Variants in BDNF observed in about 807,000 individuals in gnomAD.
BDNF encodes the protein neurotrophic factor BDNF precursor form.
BDNF carries 1 observed loss-of-function variant against 19.5 expected under a neutral mutation model. The ratio of observed to expected loss-of-function variants is 0.05; its 90% CI spans 0.02 to 0.24. The LOEUF (loss-of-function observed/expected upper bound fraction) is 0.24. Among genes scored for constraint, BDNF ranks in the 10% least tolerant of loss-of-function variants. BDNF has a pLI of 1.00. For synonymous variants in BDNF, 100 were observed against 121.6 expected (o/e 0.82, Z 1.17); for missense variants, 195 against 317.6 (o/e 0.61, Z 2.93).
At position 27,658,980 on chromosome 11, in the gene BDNF, A is replaced by G; in HGVS notation, c.-21-395T>C. Reference sequence around the variant, plus strand: ...GTTACTAAGCAACAACTGCAAGTGTAATTAATAGTAATTTTTTTCAAGTTA... The same window carrying G: ...GTTACTAAGCAACAACTGCAAGTGTGATTAATAGTAATTTTTTTCAAGTTA... On this transcript the variant is annotated intron_variant, in intron 1 of 1. Coordinates refer to ENST00000356660, the MANE Select transcript of BDNF (RefSeq NM_001709.5). The surrounding 1 kb of genome is among the most constrained non-coding windows in gnomAD (Gnocchi z 5.7). 1 of 1,098,318 alleles carries G rather than the reference A, an allele frequency of 9.1e-7. No homozygotes were observed. Among genetic ancestry groups the G allele is most frequent in the South Asian group, 2.7e-5 (1 of 36,604 alleles). The allele number at this position is 1,098,318 out of a possible 1,614,324, so 68.0% of individuals were successfully genotyped here. A position where few individuals can be genotyped will look rare whatever the true frequency, so the allele number is the denominator to read the frequency against.
chr11:27,684,356 T>C (rs1857213179), intron 1 of BDNF, among the ~76,000 whole-genome samples: 1 of 152,168 alleles, frequency 6.6e-6, no homozygotes, highest in Non-Finnish European at 1.5e-5. Context: ...ACAGAGACAA[T>C]TTGACTTCCT....
At chr11:27,701,225 C>A (rs1039248378), upstream of BDNF, 21 of 1,182,182 alleles carry the variant, frequency 1.8e-5, no homozygotes, top group East Asian at 6.0e-4. Flanking sequence ...AATGACAGAC[C>A]TCGCTAAAGC....
At chr11:27,711,064 G>A (rs963078885) in intron 1 of BDNF, among the ~76,000 whole-genome samples, 6 of 152,168 alleles carry the variant, frequency 3.9e-5, no homozygotes, top group African/African-American at 7.2e-5. Flanking sequence ...ATAGTGATTT[G>A]CAGATTAGTG....
chr11:27,685,996 G>A (rs1182043501), intron 1 of BDNF, among the ~76,000 whole-genome samples: 1 of 152,178 alleles, frequency 6.6e-6, no homozygotes, highest in Non-Finnish European at 1.5e-5. Context: ...ACATTGGGGT[G>A]TTAAAGTCTC....
upstream of BDNF, chr11:27,700,558 C>G (rs1364087976): frequency 3.2e-6 from 3 of 934,828 alleles, no homozygotes; most frequent in Non-Finnish European, 3.8e-6. Context: ...GCTCCCCGCT[C>G]GCCCGCGCTA....
intron 1 of BDNF, chr11:27,660,142 CA>C: frequency 9.0e-7 from 1 of 1,107,092 alleles, no homozygotes; most frequent in South Asian, 2.0e-5. Flanking sequence ...TTACTGAATT[CA>C]AAGGCAACCT....
At chr11:27,718,359 C>CCCCA (rs1554950412) in intron 1 of BDNF, among the ~76,000 whole-genome samples, 3 of 144,498 alleles carry the variant, frequency 2.1e-5, no homozygotes, top group Admixed American at 6.9e-5. Context: ...ACACCACCCC[C>CCCCA]CCCCGCCCCT....
At chr11:27,666,906 G>A (rs772992231) in intron 1 of BDNF, among the ~76,000 whole-genome samples, 6 of 152,064 alleles carry the variant, frequency 3.9e-5, no homozygotes, top group Non-Finnish European at 5.9e-5. Context: ...TCAAATTCAG[G>A]AAATACAGAG....
chr11:27,702,313 G>T (rs747366668), upstream of BDNF, among the ~76,000 whole-genome samples: 6 of 152,170 alleles, frequency 3.9e-5, no homozygotes, highest in Non-Finnish European at 7.3e-5. Flanking sequence ...TTTAGTAGGG[G>T]TGGGGCAGGG....
At chr11:27,689,574 A>G (rs1857973048) in intron 1 of BDNF, among the ~76,000 whole-genome samples, 1 of 152,234 alleles carries the variant, frequency 6.6e-6, no homozygotes, top group African/African-American at 2.4e-5. Flanking sequence ...GCACTGCAGT[A>G]GAGCAAGTTT....
intron 1 of BDNF, among the ~76,000 whole-genome samples, chr11:27,680,134 C>T (rs929653623): frequency 2.0e-5 from 3 of 152,028 alleles, no homozygotes; most frequent in African/African-American, 7.2e-5. Flanking sequence ...TGAGCACAGG[C>T]ACTGAGGACA....
At chr11:27,695,497 C>T (rs756480242) in intron 1 of BDNF, among the ~76,000 whole-genome samples, 1 of 152,040 alleles carries the variant, frequency 6.6e-6, no homozygotes, top group East Asian at 1.9e-4. Flanking sequence ...ATAAAGTTTC[C>T]GTCAGACCAA....
At chr11:27,703,494 G>C (rs1050377542), upstream of BDNF, among the ~76,000 whole-genome samples, 1 of 152,150 alleles carries the variant, frequency 6.6e-6, no homozygotes, top group African/African-American at 2.4e-5. Flanking sequence ...CATTCTGAAG[G>C]CTGCTCACTT....
At chr11:27,717,944 G>C (rs1473341911) in intron 1 of BDNF, among the ~76,000 whole-genome samples, 3 of 151,886 alleles carry the variant, frequency 2.0e-5, no homozygotes, top group African/African-American at 7.3e-5. Flanking sequence ...AAGACCTCAA[G>C]GTTACAAGAC....
chr11:27,698,679 A>G (rs1859484980), intron 1 of BDNF, among the ~76,000 whole-genome samples: 1 of 152,148 alleles, frequency 6.6e-6, no homozygotes, highest in South Asian at 2.1e-4. Context: ...TTTTATATGC[A>G]GTTAGAAAAT....
upstream of BDNF, among the ~76,000 whole-genome samples, chr11:27,701,891 GTCT>G (rs1409573027): frequency 4.6e-5 from 7 of 152,202 alleles, 1 homozygote; most frequent in East Asian, 1.4e-3. Flanking sequence ...TAAATAAAAA[GTCT>G]TCTGCTTTAA....
chr11:27,720,545 T>G (rs1427635808), intron 1 of BDNF: 1 of 982,782 alleles, frequency 1.0e-6, no homozygotes, highest in Non-Finnish European at 1.2e-6. Flanking sequence ...AAAATCTGAC[T>G]CTCTCTCCAG....
intron 1 of BDNF, chr11:27,659,655 G>A (rs919366537): frequency 7.7e-5 from 75 of 972,402 alleles, no homozygotes; most frequent in South Asian, 2.5e-4. Context: ...GTGTGCGCGC[G>A]CGCGTGTGCG....
At chr11:27,717,325 T>C (rs1860552644) in intron 1 of BDNF, among the ~76,000 whole-genome samples, 1 of 152,232 alleles carries the variant, frequency 6.6e-6, no homozygotes, top group African/African-American at 2.4e-5. Flanking sequence ...TAACTAGTAC[T>C]CTGGTTCAGT....
Sources: allele counts gnomAD v4.1 joint callset (sites outside exome capture counted in the v4.1 genomes callset), GRCh38; gene constraint gnomAD v4.1.1; non-coding constraint Gnocchi (gnomAD v3.1); transcripts MANE v1.5; gene names NCBI Gene and HGNC (gene_info 2026-07-23, HGNC 2026-07-21).